Variants in MGMT observed in about 807,000 individuals in gnomAD.
The protein encoded by MGMT is O-6-methylguanine-DNA methyltransferase, also known as methylated-DNA--protein-cysteine methyltransferase.
A neutral mutation model predicts 15.9 loss-of-function variants in MGMT; 14 were observed. The observed-to-expected ratio is 0.88, with a 90% CI of 0.58 to 1.37. The LOEUF (loss-of-function observed/expected upper bound fraction) is 1.37. Ranked by LOEUF, MGMT falls within the 40% of genes most tolerant of loss-of-function variation. The probability of loss-of-function intolerance (pLI) is 0.00; values close to 1 mark genes in which losing one functional copy is unlikely to be tolerated. For synonymous variants in MGMT, 130 were observed against 118.2 expected (o/e 1.10, Z -0.65); for missense variants, 282 against 268.1 (o/e 1.05, Z -0.36).
At chr10:129,654,209 G>T (rs923277013) in intron 2 of MGMT, among the ~76,000 whole-genome samples, 2 of 152,162 alleles carry the variant, frequency 1.3e-5, no homozygotes, top group Non-Finnish European at 2.9e-5. Context: ...TTTGGGATCC[G>T]AGAAGACGGC....
At chr10:129,636,161 G>A (rs1847262408) in intron 2 of MGMT, among the ~76,000 whole-genome samples, 1 of 152,124 alleles carries the variant, frequency 6.6e-6, no homozygotes, top group South Asian at 2.1e-4. Flanking sequence ...ACTTTGCTCT[G>A]GTTACAAATT....
At chr10:129,695,114 A>G (rs1848015478) in intron 2 of MGMT, among the ~76,000 whole-genome samples, 1 of 152,042 alleles carries the variant, frequency 6.6e-6, no homozygotes, top group African/African-American at 2.4e-5. Flanking sequence ...TGTCCATTTA[A>G]TAGTTGCTGA....
chr10:129,679,600 T>G (rs1046682908), intron 2 of MGMT, among the ~76,000 whole-genome samples: 2 of 152,212 alleles, frequency 1.3e-5, no homozygotes, highest in Non-Finnish European at 2.9e-5. Context: ...TTAGGAAGCC[T>G]GATGTCGGGA....
At position 129,598,253 on chromosome 10, in the gene MGMT, C is replaced by CT. The variant is rs1420849779; in HGVS notation, c.125+61878dup. Among the ~76,000 whole-genome samples, 11 of 151,896 alleles carry CT rather than the reference C, an allele frequency of 7.2e-5. No homozygotes were observed. In the East Asian group the frequency reaches 1.9e-3, roughly 27 times the overall value. ...AATCTGTCGTGTTTCTCAGAGCAGA[C>CT]TTAGGAGCCAGGCTCCCTGAGATTG... On this transcript the variant is annotated intron_variant, in intron 2 of 4. Transcript: ENST00000651593.
chr10:129,658,640 A>T (rs749166513), intron 2 of MGMT, among the ~76,000 whole-genome samples: 3 of 152,220 alleles, frequency 2.0e-5, no homozygotes, highest in Non-Finnish European at 4.4e-5. Flanking sequence ...CACATCCTGG[A>T]GTTCTGCAGT....
intron 2 of MGMT, among the ~76,000 whole-genome samples, chr10:129,549,713 C>T (rs1564849150): frequency 6.6e-6 from 1 of 152,006 alleles, no homozygotes. Context: ...ATTTTTTGTC[C>T]GAGTATGACT....
intron 2 of MGMT, among the ~76,000 whole-genome samples, chr10:129,650,292 GTGT>G (rs1002724847): frequency 9.8e-5 from 15 of 152,290 alleles, no homozygotes; most frequent in African/African-American, 3.4e-4. Context: ...CGCAAAGCAG[GTGT>G]TGTTGTAAAT....
intron 2 of MGMT, among the ~76,000 whole-genome samples, chr10:129,591,157 C>T (rs1015962914): frequency 2.6e-5 from 4 of 152,074 alleles, no homozygotes; most frequent in South Asian, 2.1e-4. Flanking sequence ...CAGGAGAAGG[C>T]GAGACTGGCC....
intron 3 of MGMT, among the ~76,000 whole-genome samples, chr10:129,730,707 C>T (rs1354470787): frequency 6.6e-6 from 1 of 152,188 alleles, no homozygotes; most frequent in East Asian, 1.9e-4. Flanking sequence ...CCCTGCCCTC[C>T]TCTGATTTTT....
chr10:129,619,027 C>T (rs1008577372), intron 2 of MGMT, among the ~76,000 whole-genome samples: 1 of 152,100 alleles, frequency 6.6e-6, no homozygotes, highest in Non-Finnish European at 1.5e-5. Context: ...CTGCATTCAA[C>T]AGGAGTTGGG....
intron 2 of MGMT, among the ~76,000 whole-genome samples, chr10:129,537,712 T>A (rs1409143885): frequency 6.6e-6 from 1 of 152,252 alleles, no homozygotes; most frequent in Non-Finnish European, 1.5e-5. Flanking sequence ...GAATTTCTAC[T>A]TTATGAACTT....
chr10:129,574,759 C>T (rs1386378489), intron 2 of MGMT, among the ~76,000 whole-genome samples: 9 of 152,144 alleles, frequency 5.9e-5, no homozygotes, highest in East Asian at 3.8e-4. Context: ...TGAGCATTGT[C>T]GCAGACTTGA....
intron 2 of MGMT, among the ~76,000 whole-genome samples, chr10:129,564,529 TTTCCTCCTCCACTTCCTCATC>T (rs1424291508): frequency 4.1e-5 from 3 of 73,488 alleles, no homozygotes; most frequent in East Asian, 4.3e-4. Context: ...ACTTCCTCAT[TTTCCTCCTCCACTTCCTCATC>T]TTCCTCTTCT....
At chr10:129,722,774 G>T (rs1848387013) in intron 3 of MGMT, among the ~76,000 whole-genome samples, 1 of 152,104 alleles carries the variant, frequency 6.6e-6, no homozygotes, top group Non-Finnish European at 1.5e-5. Context: ...GTGAGGCCAT[G>T]GCAGGCGGAT....
intron 1 of MGMT, among the ~76,000 whole-genome samples, chr10:129,492,644 G>A (rs1845480565): frequency 6.6e-6 from 1 of 152,118 alleles, no homozygotes; most frequent in African/African-American, 2.4e-5. Context: ...GGCTTTGTGT[G>A]GACTGCCACG....
intron 1 of MGMT, among the ~76,000 whole-genome samples, chr10:129,530,976 C>G (rs1467914160): frequency 6.6e-6 from 1 of 152,258 alleles, no homozygotes; most frequent in African/African-American, 2.4e-5. Flanking sequence ...CTAACCGCCA[C>G]TCTGCCCACC....
At chr10:129,483,716 G>A (rs1179206916) in intron 1 of MGMT, among the ~76,000 whole-genome samples, 4 of 151,794 alleles carry the variant, frequency 2.6e-5, no homozygotes, top group African/African-American at 9.7e-5. Context: ...TCAGCTGTTT[G>A]ATTATTTGTT....
intron 3 of MGMT, among the ~76,000 whole-genome samples, chr10:129,743,907 A>G (rs1804155201): frequency 6.6e-6 from 1 of 152,176 alleles, no homozygotes; most frequent in Non-Finnish European, 1.5e-5. Context: ...TTGGAGGGCC[A>G]TCCTCAGTGT....
chr10:129,529,501 C>T (rs987772751), intron 1 of MGMT, among the ~76,000 whole-genome samples: 13 of 152,152 alleles, frequency 8.5e-5, no homozygotes, highest in South Asian at 2.1e-4. Flanking sequence ...CTGGCTCACC[C>T]GCTGCTTACC....
Sources: allele counts gnomAD v4.1 joint callset (sites outside exome capture counted in the v4.1 genomes callset), GRCh38; gene constraint gnomAD v4.1.1; transcripts MANE v1.5; gene names NCBI Gene and HGNC (gene_info 2026-07-23, HGNC 2026-07-21).